Variants in CHRM3 observed in about 807,000 individuals in gnomAD.
CHRM3 encodes the protein cholinergic receptor muscarinic 3.
A neutral mutation model predicts 41.8 loss-of-function variants in CHRM3; 11 were observed. The observed-to-expected ratio is 0.26, with a 90% confidence interval of 0.17 to 0.44. The LOEUF is 0.44. Among genes scored for constraint, CHRM3 ranks in the 20% least tolerant of loss-of-function variants. The pLI is 1.00. For synonymous variants in CHRM3, 297 were observed against 301.4 expected (o/e 0.99, Z 0.15); for missense variants, 571 against 745.4 (o/e 0.77, Z 2.72).
At chr1:239,864,546 GCACACA>G (rs775904989) in intron 6 of CHRM3, among the ~76,000 whole-genome samples, 3 of 85,816 alleles carry the variant, frequency 3.5e-5, no homozygotes, top group African/African-American at 9.4e-5. Flanking sequence ...ACACACACAC[GCACACA>G]CACACACATA....
intron 4 of CHRM3, among the ~76,000 whole-genome samples, chr1:239,671,061 TA>T (rs1279822517): frequency 1.3e-5 from 2 of 152,174 alleles, no homozygotes; most frequent in Non-Finnish European, 2.9e-5. Context: ...TCTGCCAACA[TA>T]GATGTATTAT....
chr1:239,838,587 T>G (rs1389055896), intron 6 of CHRM3, among the ~76,000 whole-genome samples: 1 of 152,218 alleles, frequency 6.6e-6, no homozygotes, highest in Non-Finnish European at 1.5e-5. Flanking sequence ...AAAGTTTATC[T>G]TATTGTATAG....
intron 1 of CHRM3, among the ~76,000 whole-genome samples, chr1:239,477,316 A>G (rs929893873): frequency 6.6e-6 from 1 of 152,232 alleles, no homozygotes; most frequent in Non-Finnish European, 1.5e-5. Context: ...GAGAGCATGT[A>G]GAGAAATGCC....
intron 4 of CHRM3, among the ~76,000 whole-genome samples, chr1:239,660,191 C>T (rs1673064848): frequency 6.6e-6 from 1 of 152,082 alleles, no homozygotes; most frequent in African/African-American, 2.4e-5. Flanking sequence ...CTAATTTGAC[C>T]AGGTTGGTCT....
intron 5 of CHRM3, among the ~76,000 whole-genome samples, chr1:239,697,782 TC>T (rs796216415): frequency 5.9e-5 from 9 of 152,296 alleles, no homozygotes; most frequent in African/African-American, 2.2e-4. Flanking sequence ...CCCCATTGCC[TC>T]CCATAGTATT....
chr1:239,528,036 A>T lies in CHRM3; in HGVS notation c.-421-17605A>T, dbSNP rs76811209. Among the ~76,000 whole-genome samples the T allele has an allele frequency of 6.6e-3, 1,009 of 152,266 alleles. 15 individuals carry two copies. Among genetic ancestry groups the T allele is most frequent in the African/African-American group, 0.023 (941 of 41,554 alleles). On this transcript the variant is annotated intron_variant, in intron 2 of 6. Coordinates refer to ENST00000676153, the MANE Select transcript of CHRM3 (RefSeq NM_001375978.1). ...ACGTGTGGGCTTACTTAACAACTCC[A>T]TCTCTAAAATGAGGACCCTCAAAGG...
chr1:239,675,899 A>G (rs1285226744), intron 4 of CHRM3, among the ~76,000 whole-genome samples: 1 of 152,106 alleles, frequency 6.6e-6, no homozygotes, highest in Non-Finnish European at 1.5e-5. Context: ...TTCCTCTGCA[A>G]TCTTCCCAGC....
intron 5 of CHRM3, among the ~76,000 whole-genome samples, chr1:239,708,736 CTTTTTTT>C (rs869143310): frequency 2.1e-5 from 1 of 48,294 alleles, no homozygotes; most frequent in Non-Finnish European, 3.5e-5. Flanking sequence ...TTTAAATTTT[CTTTTTTT>C]TTTTTTTTTT....
chr1:239,691,742 C>T (rs1302277332), intron 5 of CHRM3, among the ~76,000 whole-genome samples: 1 of 152,084 alleles, frequency 6.6e-6, no homozygotes, highest in Admixed American at 6.6e-5. Context: ...GCTAATGTCT[C>T]CTAATTTAGA....
chr1:239,777,462 GTGCTATT>G (rs1668181251), intron 5 of CHRM3, among the ~76,000 whole-genome samples: 2 of 152,198 alleles, frequency 1.3e-5, no homozygotes, highest in Non-Finnish European at 2.9e-5. Flanking sequence ...TCTGGAAGCT[GTGCTATT>G]TGGGGTGGTA....
chr1:239,475,633 G>T (rs1666418799), intron 1 of CHRM3, among the ~76,000 whole-genome samples: 2 of 152,088 alleles, frequency 1.3e-5, no homozygotes. Flanking sequence ...TTGGGCTTTA[G>T]TTAATAACAA....
chr1:239,424,034 A>G lies in CHRM3; in HGVS notation c.-521+36807A>G, dbSNP rs545263020. ...TGCGCCACTGCACTCCAGCCTGGGC[A>G]ACAGAGCGAGACTCTGTCTCAAAAA... is the stretch of plus-strand genomic sequence containing the variant. On this transcript the variant is annotated intron_variant, in intron 1 of 6. Coordinates refer to ENST00000676153, the MANE Select transcript of CHRM3 (RefSeq NM_001375978.1). 2.4e-3 allele frequency among the ~76,000 whole-genome samples: 363 copies of G among 149,132 alleles called. 1 individual carries two copies. Among genetic ancestry groups the G allele is most frequent in the Non-Finnish European group, 3.8e-3 (257 of 67,384 alleles).
At chr1:239,731,989 A>T (rs1664006334) in intron 5 of CHRM3, among the ~76,000 whole-genome samples, 1 of 152,028 alleles carries the variant, frequency 6.6e-6, no homozygotes, top group Non-Finnish European at 1.5e-5. Context: ...AAACACAATT[A>T]TTTAGCAACC....
intron 5 of CHRM3, among the ~76,000 whole-genome samples, chr1:239,711,189 G>A (rs978544047): frequency 2.6e-5 from 4 of 151,980 alleles, no homozygotes; most frequent in South Asian, 2.1e-4. Flanking sequence ...CCACTACACC[G>A]TAAGGTTTTG....
At chr1:239,426,191 C>T (rs1390998861) in intron 1 of CHRM3, among the ~76,000 whole-genome samples, 3 of 126,374 alleles carry the variant, frequency 2.4e-5, no homozygotes, top group Non-Finnish European at 4.8e-5. Context: ...AGTCAGGAAA[C>T]AACAGGTGCT....
chr1:239,561,302 C>G (rs1342254714), intron 3 of CHRM3, among the ~76,000 whole-genome samples: 1 of 152,224 alleles, frequency 6.6e-6, no homozygotes, highest in East Asian at 1.9e-4. Context: ...TCTATACTCT[C>G]ATTTGTGGCT....
intron 6 of CHRM3, among the ~76,000 whole-genome samples, chr1:239,832,109 G>A (rs1369388961): frequency 6.6e-6 from 1 of 152,176 alleles, no homozygotes; most frequent in Non-Finnish European, 1.5e-5. Context: ...ATGTTTTACG[G>A]TAAAATCACT....
chr1:239,722,802 T>C (rs1394839598), intron 5 of CHRM3, among the ~76,000 whole-genome samples: 1 of 151,978 alleles, frequency 6.6e-6, no homozygotes, highest in African/African-American at 2.4e-5. Context: ...ATAAACATGA[T>C]TGTACCTTAT....
At chr1:239,751,264 G>A (rs1572177929) in intron 5 of CHRM3, among the ~76,000 whole-genome samples, 3 of 149,502 alleles carry the variant, frequency 2.0e-5, no homozygotes, top group African/African-American at 7.3e-5. Context: ...AAGGAGAAAA[G>A]GACTTCTTTG....
Sources: allele counts gnomAD v4.1 joint callset (sites outside exome capture counted in the v4.1 genomes callset), GRCh38; gene constraint gnomAD v4.1.1; transcripts MANE v1.5; gene names NCBI Gene and HGNC (gene_info 2026-07-23, HGNC 2026-07-21).